Variants in PRELID2 observed in about 807,000 individuals in gnomAD.
PRELID2 encodes the protein PRELI domain-containing protein 2.
Under a neutral mutation model 28.4 loss-of-function variants are expected in PRELID2, and 25 were observed. The observed-to-expected ratio is 0.88, with a 90% CI of 0.64 to 1.23. PRELID2 has a LOEUF of 1.23. PRELID2 is among the 50% of genes most tolerant of loss of function. The pLI is 0.00. For missense variants in PRELID2, 201 were observed against 214.4 expected, an observed-to-expected ratio of 0.94 and a Z score of 0.39; for synonymous variants, 76 against 71.6, an observed-to-expected ratio of 1.06 and a Z score of -0.31.
intron 1 of PRELID2, among the ~76,000 whole-genome samples, chr5:145,675,846 G>T (rs982772582): frequency 6.6e-6 from 1 of 152,180 alleles, no homozygotes; most frequent in Non-Finnish European, 1.5e-5. Flanking sequence ...CTACACAATT[G>T]TAAAGAAAAA....
chr5:145,476,490 C>T (rs369916054), intron 1 of PRELID2, among the ~76,000 whole-genome samples: 97 of 152,098 alleles, frequency 6.4e-4, no homozygotes, highest in African/African-American at 2.3e-3. Flanking sequence ...ACTAAACATA[C>T]AAAAATTAGC....
the PRELID2 span, among the ~76,000 whole-genome samples, chr5:145,289,464 G>T: frequency 6.6e-6 from 1 of 152,138 alleles, no homozygotes; most frequent in Non-Finnish European, 1.5e-5. Flanking sequence ...TAACATTCTG[G>T]TGTATGGGTA....
At chr5:145,255,643 T>G in the PRELID2 span, among the ~76,000 whole-genome samples, 3 of 151,476 alleles carry the variant, frequency 2.0e-5, no homozygotes, top group Admixed American at 2.0e-4. Context: ...TGGCAAGGCA[T>G]GGTGGTGTGT....
chr5:145,569,461 C>G (rs1311678921), intron 1 of PRELID2, among the ~76,000 whole-genome samples: 4 of 151,856 alleles, frequency 2.6e-5, no homozygotes, highest in African/African-American at 9.7e-5. Flanking sequence ...TATCATGGTC[C>G]ATGAAGATAG....
At chr5:145,829,931 AC>A (rs934707032) in intron 1 of PRELID2, among the ~76,000 whole-genome samples, 38 of 152,188 alleles carry the variant, frequency 2.5e-4, no homozygotes, top group African/African-American at 9.2e-4. Flanking sequence ...AAACATTCAA[AC>A]CATTTTGTTC....
At chr5:145,665,884 C>T (rs532038335) in intron 1 of PRELID2, among the ~76,000 whole-genome samples, 2 of 151,172 alleles carry the variant, frequency 1.3e-5, no homozygotes, top group East Asian at 3.9e-4. Context: ...ACTATTATGG[C>T]ACTTTTTATA....
chr5:145,503,532 GA>G (rs34518739), intron 1 of PRELID2, among the ~76,000 whole-genome samples: 31,904 of 151,750 alleles, frequency 0.21, 3,444 homozygotes, highest in South Asian at 0.36. Flanking sequence ...ACTGCCCTAT[GA>G]AAAAAATCAC....
At chr5:145,788,641 T>G (rs1299857770) in intron 5 of PRELID2, among the ~76,000 whole-genome samples, 2 of 152,138 alleles carry the variant, frequency 1.3e-5, no homozygotes, top group African/African-American at 2.4e-5. Flanking sequence ...CTATTCAATA[T>G]AATACTGGGA....
At chr5:145,731,207 G>T (rs1406620637) in intron 1 of PRELID2, among the ~76,000 whole-genome samples, 1 of 152,176 alleles carries the variant, frequency 6.6e-6, no homozygotes, top group Non-Finnish European at 1.5e-5. Flanking sequence ...TATCTGCTGG[G>T]ATTCCCAGAG....
chr5:145,684,836 T>C (rs1755004855), intron 1 of PRELID2, among the ~76,000 whole-genome samples: 1 of 152,164 alleles, frequency 6.6e-6, no homozygotes, highest in Non-Finnish European at 1.5e-5. Context: ...TTGGCACCAC[T>C]AAGGCAATAA....
chr5:145,321,853 C>T, the PRELID2 span, among the ~76,000 whole-genome samples: 4 of 152,174 alleles, frequency 2.6e-5, no homozygotes, highest in Admixed American at 2.6e-4. Flanking sequence ...ATCTAGAAAG[C>T]ATTGCTGTGT....
chr5:145,234,204 A>C, the PRELID2 span, among the ~76,000 whole-genome samples: 364 of 152,288 alleles, frequency 2.4e-3, no homozygotes, highest in Non-Finnish European at 4.3e-3. Flanking sequence ...TCTGATAATC[A>C]AATCAGAAAT....
the PRELID2 span, among the ~76,000 whole-genome samples, chr5:145,457,404 C>T: frequency 6.6e-6 from 1 of 152,094 alleles, no homozygotes. Context: ...CTCCCCCACC[C>T]TCTATGTTGG....
At chr5:145,565,306 GC>G (rs1752955644) in intron 1 of PRELID2, among the ~76,000 whole-genome samples, 1 of 152,204 alleles carries the variant, frequency 6.6e-6, no homozygotes, top group South Asian at 2.1e-4. Context: ...TGACTGAATT[GC>G]CCTTCCAGGT....
the PRELID2 span, among the ~76,000 whole-genome samples, chr5:145,308,378 C>G: frequency 6.6e-6 from 1 of 152,218 alleles, no homozygotes; most frequent in Non-Finnish European, 1.5e-5. Flanking sequence ...ACTTTGCCTT[C>G]CTTTTCTGTA....
chr5:145,809,025 C>CA (rs1001247520), intron 4 of PRELID2, among the ~76,000 whole-genome samples: 11 of 135,200 alleles, frequency 8.1e-5, no homozygotes, highest in African/African-American at 3.0e-4. Flanking sequence ...CTAGGCTGAG[C>CA]TTTTTTTTTG....
the PRELID2 span, among the ~76,000 whole-genome samples, chr5:145,370,178 G>C: frequency 7.4e-3 from 1,130 of 152,158 alleles, 11 homozygotes; most frequent in African/African-American, 0.026. Context: ...TCATGTTTTA[G>C]TCATGAAGCC....
rs1752380957 is a variant in PRELID2 at position 145,503,776 on chromosome 5, A to G, written n.71-30461T>C. On this transcript the variant is annotated intron_variant and non_coding_transcript_variant, in intron 1 of 2. Transcript: ENST00000510259. ...TTTTAATATGCTGGTTTGCATTGGG[A>G]TTCTGTGAGAGTTGTTTTCTAAACT... Among the ~76,000 whole-genome samples, 3 of 152,116 alleles carry G rather than the reference A, an allele frequency of 2.0e-5. No individual in the cohort carries two copies. The South Asian group carries it at 6.2e-4, about 32-fold the overall frequency.
At chr5:145,468,367 C>G, downstream of PRELID2, among the ~76,000 whole-genome samples, 1 of 152,130 alleles carries the variant, frequency 6.6e-6, no homozygotes, top group Non-Finnish European at 1.5e-5. Flanking sequence ...AATAGTGCCT[C>G]AATAAACATA....
Sources: allele counts gnomAD v4.1 joint callset (sites outside exome capture counted in the v4.1 genomes callset), GRCh38; gene constraint gnomAD v4.1.1; transcripts MANE v1.5; gene names NCBI Gene and HGNC (gene_info 2026-07-23, HGNC 2026-07-21).